TMA16: variants seen among roughly 807,000 people sequenced by gnomAD.
TMA16 encodes the protein translation machinery associated 16 homolog.
A neutral mutation model predicts 27.1 loss-of-function variants in TMA16; 26 were observed. The ratio of observed to expected loss-of-function variants is 0.96; its 90% CI spans 0.70 to 1.33. TMA16 has a LOEUF of 1.33. Ranked by LOEUF, TMA16 falls within the 40% of genes most tolerant of loss-of-function variation. TMA16 has a pLI of 0.00. For missense variants in TMA16, 233 were observed against 241.4 expected, an observed-to-expected ratio of 0.97 and a Z score of 0.23; for synonymous variants, 71 against 81.9, an observed-to-expected ratio of 0.87 and a Z score of 0.72.
chr4:163,500,420 A>G (rs1240181491), intron 1 of TMA16, among the ~76,000 whole-genome samples: 1 of 152,104 alleles, frequency 6.6e-6, no homozygotes, highest in Non-Finnish European at 1.5e-5. Flanking sequence ...CATGTTGGCC[A>G]GGCTGGTCTT....
At chr4:163,495,056 G>T (rs564391997) in intron 1 of TMA16, among the ~76,000 whole-genome samples, 2 of 151,254 alleles carry the variant, frequency 1.3e-5, no homozygotes, top group African/African-American at 4.9e-5. Flanking sequence ...TTTGCCTTGT[G>T]CCTAACTTCT....
intron 4 of TMA16, among the ~76,000 whole-genome samples, chr4:163,515,011 G>C (rs1446184401): frequency 1.3e-5 from 2 of 152,102 alleles, no homozygotes; most frequent in African/African-American, 4.8e-5. Flanking sequence ...GGTGGGGACA[G>C]GGTGATGACA....
At chr4:163,517,155 G>T (rs1465080294) in intron 5 of TMA16, 1 of 350,628 alleles carries the variant, frequency 2.9e-6, no homozygotes, top group African/African-American at 2.2e-5. Flanking sequence ...ACCTGCCTCA[G>T]CCTTCCAAAG....
intron 1 of TMA16, among the ~76,000 whole-genome samples, chr4:163,499,047 A>G (rs1396194829): frequency 2.0e-5 from 3 of 152,106 alleles, no homozygotes; most frequent in Non-Finnish European, 4.4e-5. Context: ...CCACACCCCC[A>G]CTAATGCAAT....
chr4:163,514,303 T>C (rs1737843958), intron 4 of TMA16, 145 bp downstream of exon 4: 2 of 647,396 alleles, frequency 3.1e-6, no homozygotes, highest in Non-Finnish European at 4.9e-6. Flanking sequence ...TTAGTCACTA[T>C]AGGAGGTTTG....
chr4:163,498,436 C>T (rs575939261), intron 1 of TMA16, among the ~76,000 whole-genome samples: 53 of 151,774 alleles, frequency 3.5e-4, no homozygotes, highest in African/African-American at 7.2e-4. Flanking sequence ...TACAGGTGCC[C>T]GCCACCACGC....
At chr4:163,514,929 C>T (rs1289610104) in intron 4 of TMA16, among the ~76,000 whole-genome samples, 1 of 151,662 alleles carries the variant, frequency 6.6e-6, no homozygotes, top group Non-Finnish European at 1.5e-5. Context: ...AGGAAGCCAT[C>T]AGATTCCTCG....
At chr4:163,516,673 G>A (rs1464353411) in intron 5 of TMA16, among the ~76,000 whole-genome samples, 1 of 151,806 alleles carries the variant, frequency 6.6e-6, no homozygotes, top group African/African-American at 2.4e-5. Flanking sequence ...TTTGAAATAT[G>A]GTAAAGAACT....
chr4:163,498,637 G>A (rs188223499), intron 1 of TMA16, among the ~76,000 whole-genome samples: 10 of 152,028 alleles, frequency 6.6e-5, no homozygotes, highest in African/African-American at 2.4e-4. Flanking sequence ...TATCTTGATG[G>A]GTACTATCTT....
intron 1 of TMA16, among the ~76,000 whole-genome samples, chr4:163,500,206 CTTTCT>C (rs1737629344): frequency 6.9e-6 from 1 of 145,110 alleles, no homozygotes; most frequent in East Asian, 2.0e-4. Flanking sequence ...TCCATTCTTT[CTTTCT>C]TTTTTTTTTT....
Position 163,501,183 on chromosome 4 carries a change from T to C in TMA16, c.4-5850T>C, listed in dbSNP as rs563008521. On this transcript the variant is annotated intron_variant, in intron 1 of 6. Transcript: ENST00000358572. ...AGAACTAGTCCTTCCTTCATAGTTA[T>C]ATCTTTGTTTCATTATGATCCCAAA... Among the ~76,000 whole-genome samples the C allele has an allele frequency of 6.6e-5, 10 of 152,364 alleles. 1 individual carries two copies. Among genetic ancestry groups the C allele is most frequent in the African/African-American group, 2.2e-4 (9 of 41,590 alleles).
At position 163,511,444 on chromosome 4, in the gene TMA16, A is replaced by G. The variant is rs186395579; in HGVS notation, c.117-1378A>G. On this transcript the variant is annotated intron_variant, in intron 2 of 6. Transcript: ENST00000358572. ...GTTAAGTAGTAAGGACTGTTTATAT[A>G]TTCTAGATACAAGTCCTTTGTTATT... Among the ~76,000 whole-genome samples the G allele has an allele frequency of 4.5e-3, 691 of 152,186 alleles. 4 individuals are homozygous for G. Among genetic ancestry groups the G allele is most frequent in the Middle Eastern group, 6.8e-3 (2 of 294 alleles).
chr4:163,495,291 T>G (rs960372374), intron 1 of TMA16, among the ~76,000 whole-genome samples: 3 of 152,174 alleles, frequency 2.0e-5, no homozygotes, highest in African/African-American at 7.2e-5. Flanking sequence ...ACTGAAGCAG[T>G]TTTGTTGTTT....
At chr4:163,503,367 T>C (rs1737675164) in intron 1 of TMA16, among the ~76,000 whole-genome samples, 1 of 152,188 alleles carries the variant, frequency 6.6e-6, no homozygotes, top group African/African-American at 2.4e-5. Context: ...TCAAGTGTGT[T>C]TGCTGAAATG....
At chr4:163,500,795 T>G (rs1254707128) in intron 1 of TMA16, among the ~76,000 whole-genome samples, 1 of 152,224 alleles carries the variant, frequency 6.6e-6, no homozygotes, top group African/African-American at 2.4e-5. Context: ...TCAAACTGAT[T>G]TAGCTACAAT....
chr4:163,517,137 C>CAA, intron 5 of TMA16: 1 of 321,200 alleles, frequency 3.1e-6, no homozygotes, highest in Non-Finnish European at 5.8e-6. Context: ...CTCCTGACCT[C>CAA]CTGATCCACC....
In TMA16 at chr4:163,494,791, A is replaced by C. The variant is rs1737523477; in HGVS notation, c.-11A>C. On this transcript the variant is annotated 5_prime_UTR_variant, in exon 1 of 7. Coordinates refer to ENST00000358572, the MANE Select transcript of TMA16 (RefSeq NM_018352.3). ...AGTGCGGAGCTGCTCCGTGGCCACGAGGACGTCACCATGGTGGGCCCCCTC... is the reference window on the plus strand; with the variant it reads ...AGTGCGGAGCTGCTCCGTGGCCACGCGGACGTCACCATGGTGGGCCCCCTC... The C allele has an allele frequency of 1.2e-6, 2 of 1,612,752 alleles. No homozygotes were observed. The highest frequency in any genetic ancestry group is 1.1e-5 in the South Asian group (1 of 91,082).
At chr4:163,517,565 C>A in intron 6 of TMA16, 89 bp downstream of exon 6, 2 of 1,232,790 alleles carry the variant, frequency 1.6e-6, no homozygotes, top group Non-Finnish European at 1.1e-6. Flanking sequence ...GCCGGTAGAA[C>A]TAAAAGAAAA....
chr4:163,495,864 A>C (rs994790141), intron 1 of TMA16, among the ~76,000 whole-genome samples: 23 of 152,122 alleles, frequency 1.5e-4, no homozygotes, highest in Admixed American at 1.5e-3. Context: ...CATTTGTGTA[A>C]ATTCAGTGTT....
Sources: gnomAD v4.1 joint callset for allele counts (sites outside exome capture counted in the v4.1 genomes callset) on GRCh38, gnomAD v4.1.1 for gene constraint, MANE v1.5 for transcripts, NCBI Gene and HGNC (gene_info 2026-07-23, HGNC 2026-07-21) for gene names.